KIRREL2: variants seen among roughly 807,000 people sequenced by gnomAD.
The protein encoded by KIRREL2 is kirre like nephrin family adhesion molecule 2, also known as kin of IRRE-like protein 2.
Under a neutral mutation model 73.4 loss-of-function variants are expected in KIRREL2, and 56 were observed. The observed-to-expected ratio is 0.76, with a 90% CI of 0.62 to 0.95. KIRREL2 has a LOEUF of 0.95. KIRREL2 is among the 40% of genes least tolerant of loss of function. The pLI, the probability that KIRREL2 is intolerant of heterozygous loss-of-function variation, is 0.00. For missense variants in KIRREL2, 896 were observed against 935.0 expected (o/e 0.96, Z 0.54); for synonymous variants, 407 against 404.0 (o/e 1.01, Z -0.09).
intron 1 of KIRREL2, 65 bp from the exon 2 acceptor site, chr19:35,857,280 T>G: frequency 6.2e-7 from 1 of 1,609,124 alleles, no homozygotes; most frequent in African/African-American, 1.3e-5. Context: ...CTGGGACTCC[T>G]GGGTCCTGAA....
At position 35,866,468 on chromosome 19, in the gene KIRREL2, C is replaced by T. The variant is rs763759070; in HGVS notation, c.2103C>T (p.His701=). 2.6e-5 allele frequency: 42 copies of T among 1,612,284 alleles called. No individual in the cohort carries two copies. The East Asian group carries it at 8.5e-4, about 33-fold the overall frequency. ...ATGCTGCCTTCCCCACACCTAGCCA[C>T]CCGCGTCTCCAGACTCACGTGTGAC... ...FPYAAFPTPS[H]PRLQTHV The change falls in exon 15 of 15, where the codon CAC becomes CAT. Residue 701 remains histidine, a synonymous_variant. Coordinates refer to ENST00000360202, the MANE Select transcript of KIRREL2 (RefSeq NM_199180.4).
Position 35,861,572 on chromosome 19 carries a change from G to T in KIRREL2, c.1221G>T (p.Ala407=). ...CAGTAGTGACCGCCCTGCACTCTGCGCCTGCCTTCCTGAGGGGCCCTGCTC... is the reference window on the plus strand; with the variant it reads ...CAGTAGTGACCGCCCTGCACTCTGCTCCTGCCTTCCTGAGGGGCCCTGCTC... ...APPVVTALHS[A]PAFLRGPARL... Residue 407 remains alanine (A), a synonymous_variant, in exon 10 of 15, where the codon GCG becomes GCT. Transcript: ENST00000360202. 6.2e-7 allele frequency: 1 copy of T among 1,613,704 alleles called. No individual in the cohort carries two copies. Among genetic ancestry groups the T allele is most frequent in the East Asian group, 2.2e-5 (1 of 44,862 alleles).
chr19:35,857,541 T>A, intron 2 of KIRREL2, 47 bp downstream of exon 2: 1 of 1,490,810 alleles, frequency 6.7e-7, no homozygotes, highest in Non-Finnish European at 8.9e-7. Context: ...AGGGGGAGAG[T>A]TGCTGGGCTC....
upstream of KIRREL2, chr19:35,856,602 C>T (rs1696979333): frequency 4.6e-6 from 1 of 218,626 alleles, no homozygotes; most frequent in South Asian, 5.6e-5. This position sits in a 1 kb window ranked among gnomAD's most constrained non-coding sequence, Gnocchi z 5.9. Flanking sequence ...AGCGCAGTCC[C>T]TCTAGGACCT....
intron 9 of KIRREL2, 112 bp downstream of exon 9, chr19:35,861,366 G>A: frequency 6.7e-7 from 1 of 1,489,866 alleles, no homozygotes; most frequent in Non-Finnish European, 9.0e-7. Flanking sequence ...TACACCCAGC[G>A]GGGGCTGGAG....
At position 35,861,837 on chromosome 19, in the gene KIRREL2, G is replaced by A; in HGVS notation, c.1323G>A (p.Ala441=). The part of the protein sequence containing the change: ...VWSWDEGFLE[A]GSQGRFLVET... ...CTTGGGATGAGGGCTTCCTGGAGGCGGGGTCGCAGGGCCGGTTCCTGGTGG... is the reference window on the plus strand; with the variant it reads ...CTTGGGATGAGGGCTTCCTGGAGGCAGGGTCGCAGGGCCGGTTCCTGGTGG... The change falls in exon 11 of 15, where the codon GCG becomes GCA. Residue 441 remains alanine (A), a synonymous_variant. Coordinates refer to ENST00000360202, the MANE Select transcript of KIRREL2 (RefSeq NM_199180.4). 6.3e-7 allele frequency: 1 copy of A among 1,586,830 alleles called. No individual in the cohort carries two copies. The highest frequency in any genetic ancestry group is 1.1e-5 in the South Asian group (1 of 87,756).
At chr19:35,865,691 C>T (rs1599874405) in intron 14 of KIRREL2, among the ~76,000 whole-genome samples, 1 of 152,244 alleles carries the variant, frequency 6.6e-6, no homozygotes. Flanking sequence ...CTGTCATTGC[C>T]TATGCCTTTC....
At chr19:35,862,680 G>C (rs971918529) in intron 12 of KIRREL2, 83 bp downstream of exon 12, 10 of 1,049,566 alleles carry the variant, frequency 9.5e-6, no homozygotes, top group South Asian at 1.3e-5. Flanking sequence ...CCTGGCCTTG[G>C]GCCTTGGCTC....
rs755898565 is a variant in KIRREL2, at chr19:35,861,852, G to T, written c.1338G>T (p.Arg446=). 1.3e-6 allele frequency: 2 copies of T among 1,588,886 alleles called. No individual in the cohort carries two copies. The highest frequency in any genetic ancestry group is 2.3e-5 in the South Asian group (2 of 87,818). ...EGFLEAGSQG[R]FLVETFPAPE... ...TCCTGGAGGCGGGGTCGCAGGGCCG[G>T]TTCCTGGTGGAGACATTCCCTGCCC... Residue 446 remains arginine (R), a synonymous_variant, in exon 11 of 15, where the codon CGG becomes CGT. Transcript: ENST00000360202.
rs1358117673 is a variant in KIRREL2 at position 35,866,486 on chromosome 19, C to A, written c.2121C>A (p.His707Gln). The change falls in exon 15 of 15, where the codon CAC becomes CAA. Residue 707 changes from histidine to glutamine, a missense_variant. By Grantham distance (24) the His-to-Gln change is conservative (BLOSUM62 0). Transcript: ENST00000360202. ...CTAGCCACCCGCGTCTCCAGACTCA[C>A]GTGTGACATCTTTCCAATGGAAGAG... ...PTPSHPRLQTHV is the reference protein window; with the variant it reads ...PTPSHPRLQTQV 1 of 1,613,276 alleles carries A rather than the reference C, an allele frequency of 6.2e-7. No homozygotes were observed. Among genetic ancestry groups the A allele is most frequent in the Non-Finnish European group, 8.5e-7 (1 of 1,179,476 alleles).
chr19:35,856,148 A>C (rs1355084279), upstream of KIRREL2, among the ~76,000 whole-genome samples: 1 of 152,176 alleles, frequency 6.6e-6, no homozygotes, highest in East Asian at 1.9e-4. This position sits in a 1 kb window ranked among gnomAD's most constrained non-coding sequence, Gnocchi z 5.9. Context: ...CTGCTCGGCC[A>C]GCTGCGCAGC....
intron 1 of KIRREL2, 27 bp downstream of exon 1, chr19:35,857,207 A>AGGG: frequency 2.0e-6 from 1 of 494,430 alleles, no homozygotes; most frequent in Admixed American, 2.5e-5. Context: ...GCGGAGGAAT[A>AGGG]TGGGGTGGGG....
chr19:35,864,820 T>C, intron 14 of KIRREL2, 107 bp downstream of exon 14: 1 of 873,752 alleles, frequency 1.1e-6, no homozygotes, highest in Non-Finnish European at 1.8e-6. Context: ...TTTCCTTCTG[T>C]TGTCCTCAGA....
intron 4 of KIRREL2, 71 bp from the exon 5 acceptor site, chr19:35,859,410 G>C: frequency 7.2e-7 from 1 of 1,396,754 alleles, no homozygotes; most frequent in East Asian, 2.3e-5. Context: ...TTCCAATGTG[G>C]CCCAGGAAAG....
upstream of KIRREL2, chr19:35,851,576 C>T (rs771076402): frequency 4.6e-5 from 74 of 1,613,874 alleles, 2 homozygotes; most frequent in South Asian, 5.7e-4. Flanking sequence ...GACCCCACAA[C>T]GCAGCTCCAC....
At position 35,866,141 on chromosome 19, in the gene KIRREL2, C is replaced by G. The variant is rs1248827609; in HGVS notation, c.1792-16C>G. ...GCACGCTCACAGACTTTACTGAGTC[C>G]CATTTGTCCCCTCAGGACCCAACCA... On this transcript the variant is annotated splice_polypyrimidine_tract_variant and intron_variant, in intron 14 of 14. Coordinates refer to ENST00000360202, the MANE Select transcript of KIRREL2 (RefSeq NM_199180.4). 6.3e-7 allele frequency: 1 copy of G among 1,592,258 alleles called. No individual in the cohort carries two copies. Among genetic ancestry groups the G allele is most frequent in the Non-Finnish European group, 8.5e-7 (1 of 1,174,752 alleles).
At chr19:35,859,093 CTG>C (rs1973554869) in intron 4 of KIRREL2, among the ~76,000 whole-genome samples, 1 of 152,224 alleles carries the variant, frequency 6.6e-6, no homozygotes, top group Admixed American at 6.5e-5. Flanking sequence ...GTTAACCTCT[CTG>C]TGCCTCAGTT....
rs367620128 is a variant in KIRREL2, at chr19:35,856,942, T to G, written c.-178T>G. The G allele has an allele frequency of 1.3e-4, 94 of 717,068 alleles. No individual in the cohort carries two copies. The African/African-American group carries it at 1.5e-3, about 11-fold the overall frequency. The allele number at this position is 717,068 out of a possible 1,614,324, so 44.4% of individuals were successfully genotyped here. A position where few individuals can be genotyped will look rare whatever the true frequency, so the allele number is the denominator to read the frequency against. On this transcript the variant is annotated 5_prime_UTR_variant, in exon 1 of 15. Transcript: ENST00000360202. This position sits in a 1 kb window ranked among gnomAD's most constrained non-coding sequence, Gnocchi z 5.9. ...CCAGGCCGCGGAACTGGCAGGCGTT[T>G]CAGAGCGTCAGAGGCTGCGGATGAG...
intron 11 of KIRREL2, 37 bp from the exon 12 acceptor site, chr19:35,862,456 C>G (rs748534983): frequency 2.0e-6 from 3 of 1,498,632 alleles, no homozygotes; most frequent in South Asian, 2.2e-5. Flanking sequence ...CTGGTTCCCC[C>G]TCAGCCTTCT....
Sources: allele counts gnomAD v4.1 joint callset (sites outside exome capture counted in the v4.1 genomes callset), GRCh38; gene constraint gnomAD v4.1.1; non-coding constraint Gnocchi (gnomAD v3.1); transcripts MANE v1.5; gene names NCBI Gene and HGNC (gene_info 2026-07-23, HGNC 2026-07-21).